MCPH1: variants seen among roughly 807,000 people sequenced by gnomAD.
MCPH1 encodes the protein microcephalin.
Under a neutral mutation model 84.5 loss-of-function variants are expected in MCPH1, and 104 were observed. The ratio of observed to expected loss-of-function variants is 1.23; its 90% CI spans 1.05 to 1.45. The LOEUF (loss-of-function observed/expected upper bound fraction) is 1.45. Among genes scored for constraint, MCPH1 ranks in the 40% most tolerant of loss-of-function variants. The probability of loss-of-function intolerance (pLI) is 0.00; values close to 1 mark genes in which losing one functional copy is unlikely to be tolerated. For synonymous variants in MCPH1, 514 were observed against 366.8 expected (o/e 1.40, Z -4.58); for missense variants, 1,498 against 1,005.7 (o/e 1.49, Z -6.62).
At position 6,445,832 on chromosome 8, in the gene MCPH1, C is replaced by A; in HGVS notation, c.1825+285C>A. On this transcript the variant is annotated intron_variant, in intron 8 of 13. Transcript: ENST00000344683. Reference sequence around the variant, plus strand: ...GATAAGTAGTCCATAGTATGAATAACTGAGGGGAGTGAAGTCTTTTTCCTT... The same window carrying A: ...GATAAGTAGTCCATAGTATGAATAAATGAGGGGAGTGAAGTCTTTTTCCTT... The A allele has an allele frequency of 2.6e-6, 3 of 1,143,974 alleles. No homozygotes were observed. In the South Asian group the frequency reaches 9.7e-5, roughly 37 times the overall value. The allele number at this position is 1,143,974 out of a possible 1,614,324, so 70.9% of individuals were successfully genotyped here.
At chr8:6,627,754 G>A (rs1013422353) in intron 13 of MCPH1, among the ~76,000 whole-genome samples, 14 of 152,248 alleles carry the variant, frequency 9.2e-5, no homozygotes, top group Admixed American at 3.3e-4. Context: ...TAGCGGGCAT[G>A]GTGGTGCAAG....
rs1263106043 is a variant in MCPH1, at chr8:6,621,525, G to A, written c.2286G>A (p.Met762Ile). 6.2e-7 allele frequency: 1 copy of A among 1,614,052 alleles called. No homozygotes were observed. The highest frequency in any genetic ancestry group is 8.5e-7 in the Non-Finnish European group (1 of 1,180,040). Residue 762 changes from methionine (M) to isoleucine (I), a missense_variant, in exon 13 of 14, where the codon ATG (methionine) becomes ATA (isoleucine). By Grantham distance (10) the Met-to-Ile change is conservative. Transcript: ENST00000344683. ...CCCTCTTTGCCGACCAGCCAGCGAT[G>A]TTTGTCTCGCCTGCCAGCAGCCCCC... ...RGTLFADQPA[M>I]FVSPASSPPV...
Position 6,505,418 on chromosome 8 carries a change from TACATAAAGA to T in MCPH1, c.2214+5491_2214+5499del, listed in dbSNP as rs1277857003. On this transcript the variant is annotated intron_variant, in intron 12 of 13. Transcript: ENST00000344683. ...ATATAGAATATATATATTCTTTATATACATAAAGAATATATATATTCTTTATATACATAT... is the reference window on the plus strand; with the variant it reads ...ATATAGAATATATATATTCTTTATATATATATATATTCTTTATATACATAT... Among the ~76,000 whole-genome samples the T allele has an allele frequency of 1.9e-4, 16 of 85,782 alleles. 3 individuals are homozygous for T. Among genetic ancestry groups the T allele is most frequent in the African/African-American group, 7.1e-4 (16 of 22,654 alleles). 56.3% of individuals were successfully genotyped at this position (85,782 alleles called of 152,430 possible).
chr8:6,646,939 T>G lies in MCPH1; in HGVS notation c.*3890T>G, dbSNP rs1798242953. On this transcript the variant is annotated 3_prime_UTR_variant, in exon 14 of 14. Transcript: ENST00000344683. ...ATATGACACTAAAGGCATAATTCAT[T>G]AAAAAAATAAGTTGGGCTTTGTCAA... 6.6e-6 allele frequency: 1 copy of G among 151,862 alleles called. No homozygotes were observed. Among genetic ancestry groups the G allele is most frequent in the Non-Finnish European group, 1.5e-5 (1 of 67,982 alleles). The allele number at this position is 151,862 out of a possible 1,614,324, so 9.4% of individuals were successfully genotyped here.
At chr8:6,535,708 G>A (rs751234855) in intron 12 of MCPH1, among the ~76,000 whole-genome samples, 1 of 152,090 alleles carries the variant, frequency 6.6e-6, no homozygotes, top group Admixed American at 6.5e-5. Context: ...GAGAAGAATG[G>A]AACAGAACCA....
intron 8 of MCPH1, chr8:6,445,899 A>G: frequency 3.0e-6 from 3 of 1,013,422 alleles, no homozygotes; most frequent in Non-Finnish European, 2.4e-6. Context: ...GTAAAGATGT[A>G]TACGATAGAG....
intron 4 of MCPH1, among the ~76,000 whole-genome samples, chr8:6,432,963 A>C (rs1585726412): frequency 6.6e-6 from 1 of 152,314 alleles, no homozygotes; most frequent in East Asian, 1.9e-4. Flanking sequence ...TTTCAATTTG[A>C]TGAGTATCCT....
intron 11 of MCPH1, among the ~76,000 whole-genome samples, chr8:6,489,645 A>G (rs1810342594): frequency 6.6e-6 from 1 of 152,198 alleles, no homozygotes; most frequent in Non-Finnish European, 1.5e-5. Context: ...CTGATATGTT[A>G]TTCCTAGACA....
intron 12 of MCPH1, among the ~76,000 whole-genome samples, chr8:6,608,766 C>CA (rs1829995068): frequency 6.6e-6 from 1 of 152,226 alleles, no homozygotes; most frequent in Non-Finnish European, 1.5e-5. Context: ...CCCTAGCAGT[C>CA]AAGTTTGAGA....
intron 12 of MCPH1, among the ~76,000 whole-genome samples, chr8:6,587,875 C>T (rs763813933): frequency 2.6e-5 from 4 of 152,194 alleles, no homozygotes; most frequent in Admixed American, 1.3e-4. Context: ...ATTGGTGATG[C>T]AGTTTATTTG....
chr8:6,481,000 G>A, intron 11 of MCPH1, 124 bp downstream of exon 11: 2 of 1,182,244 alleles, frequency 1.7e-6, no homozygotes, highest in African/African-American at 1.5e-5. Context: ...ACTTTCCTGT[G>A]AGCTGGGAAC....
intron 4 of MCPH1, among the ~76,000 whole-genome samples, chr8:6,432,381 T>C (rs1218645014): frequency 6.6e-6 from 1 of 152,268 alleles, no homozygotes; most frequent in Non-Finnish European, 1.5e-5. Flanking sequence ...ATTTTTTTTC[T>C]TTTGAATATT....
chr8:6,618,755 CA>C (rs2129580361), intron 12 of MCPH1: 1 of 152,098 alleles, frequency 6.6e-6, no homozygotes, highest in South Asian at 2.1e-4. Flanking sequence ...AAAAACTTAA[CA>C]AAAAAGTCAC....
chr8:6,560,370 A>G (rs1398492633), intron 12 of MCPH1, among the ~76,000 whole-genome samples: 1 of 152,206 alleles, frequency 6.6e-6, no homozygotes, highest in East Asian at 1.9e-4. Flanking sequence ...TCCATTTTAT[A>G]TTATTTTCTT....
intron 12 of MCPH1, among the ~76,000 whole-genome samples, chr8:6,593,081 G>GT (rs377256909): frequency 0.63 from 76,819 of 121,722 alleles, 24,770 homozygotes; most frequent in East Asian, 0.9. Context: ...TTAGGGTGTG[G>GT]TTTTTTTTTT....
chr8:6,437,379 T>C (rs2129554730), intron 5 of MCPH1, among the ~76,000 whole-genome samples: 1 of 152,016 alleles, frequency 6.6e-6, no homozygotes, highest in East Asian at 1.9e-4. Flanking sequence ...TATAGGGGCG[T>C]ACCACCACGC....
At chr8:6,454,218 C>T (rs2129556710) in intron 8 of MCPH1, among the ~76,000 whole-genome samples, 1 of 152,288 alleles carries the variant, frequency 6.6e-6, no homozygotes, top group Non-Finnish European at 1.5e-5. Context: ...GGGTTGTGAG[C>T]TCCCTAAGTG....
intron 12 of MCPH1, among the ~76,000 whole-genome samples, chr8:6,516,633 C>G (rs950771463): frequency 1.3e-5 from 2 of 152,206 alleles, no homozygotes; most frequent in African/African-American, 4.8e-5. Context: ...AAATCTATTT[C>G]ATAAACCAGC....
At chr8:6,594,885 T>C (rs757787488) in intron 12 of MCPH1, among the ~76,000 whole-genome samples, 1 of 152,340 alleles carries the variant, frequency 6.6e-6, no homozygotes, top group East Asian at 1.9e-4. Flanking sequence ...TTTAAAGGGA[T>C]AGAAGAGACA....
Sources: allele counts gnomAD v4.1 joint callset (sites outside exome capture counted in the v4.1 genomes callset), GRCh38; gene constraint gnomAD v4.1.1; transcripts MANE v1.5; gene names NCBI Gene and HGNC (gene_info 2026-07-23, HGNC 2026-07-21).